The following SPTBN5 variants were observed in gnomAD, a reference collection of about 807,000 sequenced individuals.
The protein encoded by SPTBN5 is spectrin beta, non-erythrocytic 5.
SPTBN5 carries 513 observed loss-of-function variants against 477.6 expected under a neutral mutation model. The ratio of observed to expected loss-of-function variants is 1.07; its 90% confidence interval spans 1.00 to 1.16. SPTBN5 has a LOEUF of 1.16. Ranked by LOEUF, SPTBN5 falls within the 50% of genes most tolerant of loss-of-function variation. The probability of loss-of-function intolerance (pLI) is 0.00; values close to 1 mark genes in which losing one functional copy is unlikely to be tolerated. For missense variants in SPTBN5, 5,062 were observed against 4,731.8 expected, an observed-to-expected ratio of 1.07 and a Z score of -2.05; for synonymous variants, 2,169 against 2,011.7, an observed-to-expected ratio of 1.08 and a Z score of -2.09.
chr15:41,877,864 G>A (rs1005770289), intron 17 of SPTBN5, among the ~76,000 whole-genome samples: 1 of 152,220 alleles, frequency 6.6e-6, no homozygotes, highest in Non-Finnish European at 1.5e-5. Flanking sequence ...CACAGCCTGT[G>A]GACTGTCCCT....
chr15:41,878,232 C>T (rs1567219880), intron 17 of SPTBN5, 110 bp downstream of exon 17: 36 of 1,347,098 alleles, frequency 2.7e-5, no homozygotes, highest in Non-Finnish European at 3.1e-5. Context: ...GTCTGGGCCC[C>T]TCCCTGGGGA....
At chr15:41,881,276 A>G (rs1027771917) in intron 12 of SPTBN5, 42 bp from the exon 13 acceptor site, 23 of 1,537,196 alleles carry the variant, frequency 1.5e-5, no homozygotes, top group Middle Eastern at 4.8e-4. Context: ...GACCCCATCA[A>G]GCAGCAGGGG....
rs2065620660 is a variant in SPTBN5, at chr15:41,848,247, G to A, written c.*369C>T. On this transcript the variant is annotated 3_prime_UTR_variant, in exon 68 of 68. Coordinates refer to ENST00000320955, the MANE Select transcript of SPTBN5 (RefSeq NM_016642.4). Reference sequence around the variant, plus strand: ...GCTGGTACAGAGCTCGCTCATCAGTGTTCTTCCTCCGAAGAGCACATTCTC... The same window carrying A: ...GCTGGTACAGAGCTCGCTCATCAGTATTCTTCCTCCGAAGAGCACATTCTC... 1 of 495,402 alleles carries A rather than the reference G, an allele frequency of 2.0e-6. No homozygotes were observed. The highest frequency in any genetic ancestry group is 3.7e-6 in the Non-Finnish European group (1 of 272,766). The allele number at this position is 495,402 out of a possible 1,614,324, so 30.7% of individuals were successfully genotyped here. A position where few individuals can be genotyped will look rare whatever the true frequency, so the allele number is the denominator to read the frequency against.
At position 41,876,132 on chromosome 15, in the gene SPTBN5, G is replaced by C; in HGVS notation, c.4104C>G (p.His1368Gln). 6.2e-7 allele frequency: 1 copy of C among 1,602,082 alleles called. No homozygotes were observed. The highest frequency in any genetic ancestry group is 8.5e-7 in the Non-Finnish European group (1 of 1,178,802). The stretch of plus-strand genomic sequence containing the variant: ...CCCCCACCTGCTGCAGGGCCTCCAC[G>C]TGTCTGCGGGTGGCGAGTAGCTCGC... ...AESELLATRR[H>Q]VEALQQVGRE... is the part of the protein sequence containing the mutation. Residue 1368 changes from histidine (H) to glutamine (Q), a missense_variant, in exon 21 of 68, where the codon CAC (histidine) becomes CAG (glutamine). Transcript: ENST00000320955.
At position 41,878,594 on chromosome 15, in the gene SPTBN5, A is replaced by C. The variant is rs772703546; in HGVS notation, c.3218T>G (p.Leu1073Arg). ...EEPGYAESQPLQGQVETLQGL... is the reference protein window; with the variant it reads ...EEPGYAESQPRQGQVETLQGL... ...CTGCAGTGTCTCCACCTGTCCTTGC[A>C]GAGGCTGGCTCTCTGCGTAGCCTGG... is the stretch of plus-strand genomic sequence containing the variant. The change falls in exon 17 of 68, where the codon CTG (leucine) becomes CGG (arginine). Residue 1073 changes from leucine (L) to arginine (R), a missense_variant. By Grantham distance (102) the Leu-to-Arg change is moderately radical. Transcript: ENST00000320955. The C allele has an allele frequency of 8.7e-6, 14 of 1,612,522 alleles. No individual in the cohort carries two copies. The highest frequency in any genetic ancestry group is 1.2e-5 in the Non-Finnish European group (14 of 1,179,728).
Position 41,875,453 on chromosome 15 carries a change from T to A in SPTBN5, c.4287+5A>T. 1 of 1,610,766 alleles carries A rather than the reference T, an allele frequency of 6.2e-7. No individual in the cohort carries two copies. Among genetic ancestry groups the A allele is most frequent in the Non-Finnish European group, 8.5e-7 (1 of 1,179,214 alleles). ...TCTTGTGCCCTGTCCCTCTTCCCAG[T>A]GGACCTGCAGCTGCCTCAGGAGTTG... is the stretch of plus-strand genomic sequence containing the variant. On this transcript the variant is annotated splice_donor_5th_base_variant and intron_variant, in intron 22 of 67. Transcript: ENST00000320955.
intron 66 of SPTBN5, 137 bp from the exon 67 acceptor site, chr15:41,850,096 G>A: frequency 1.4e-6 from 1 of 727,772 alleles, no homozygotes; most frequent in South Asian, 1.6e-5. Flanking sequence ...CTTCCCACGT[G>A]GGGGTGTGGG....
At chr15:41,849,409 A>G (rs556771623) in intron 67 of SPTBN5, among the ~76,000 whole-genome samples, 1 of 152,316 alleles carries the variant, frequency 6.6e-6, no homozygotes, top group Admixed American at 6.5e-5. Flanking sequence ...AGGACCAGGT[A>G]GAGAACGGGT....
At chr15:41,863,633 C>T (rs1595462358) in intron 41 of SPTBN5, 71 bp downstream of exon 41, 4 of 1,252,726 alleles carry the variant, frequency 3.2e-6, no homozygotes, top group East Asian at 2.3e-5. Context: ...GCATGGGAGA[C>T]TCTAGGCAGT....
At position 41,893,411 on chromosome 15, in the gene SPTBN5, C is replaced by A; in HGVS notation, c.87G>T (p.Pro29=). 6.2e-7 allele frequency: 1 copy of A among 1,613,342 alleles called. No individual in the cohort carries two copies. The highest frequency in any genetic ancestry group is 8.5e-7 in the Non-Finnish European group (1 of 1,179,848). The change falls in exon 2 of 68, where the codon CCG becomes CCT. Residue 29 remains proline, a synonymous_variant. Transcript: ENST00000320955. ...SRRPSTELRV[P]PSPSLTMDSQ... is the part of the protein sequence containing the mutation. The stretch of plus-strand genomic sequence containing the variant: ...AGTCCATGGTGAGACTTGGACTGGG[C>A]GGGACCCGGAGTTCTGTGCTGGGCC...
Position 41,852,772 on chromosome 15 carries a change from G to GC in SPTBN5, c.10348-38_10348-37insG, listed in dbSNP as rs762793341. 11 of 1,582,874 alleles carry GC rather than the reference G, an allele frequency of 6.9e-6. No homozygotes were observed. In the African/African-American group the frequency reaches 1.0e-4, roughly 14 times the overall value. On this transcript the variant is annotated intron_variant, in intron 60 of 67. Transcript: ENST00000320955. The stretch of plus-strand genomic sequence containing the variant: ...CATGTTCAGGTGACGCCCAGCTTGG[G>GC]GGGGGGGGCCCAGAGCCTGGTAGCC...
Position 41,880,201 on chromosome 15 carries a change from G to T in SPTBN5, c.2770C>A (p.Pro924Thr). Residue 924 changes from proline (P) to threonine (T), a missense_variant, in exon 14 of 68, where the codon CCC becomes ACC. Physicochemically the swap from Pro to Thr is conservative, Grantham distance 38. Transcript: ENST00000320955. ...ATGACCTCCAGGGTGTCAGCCTGGG[G>T]CTGCACCCTTTGGAGCAGCACTGTC... ...KQTVLLQRVQ[P>T]QADTLEVMQL... 1 of 1,606,532 alleles carries T rather than the reference G, an allele frequency of 6.2e-7. No homozygotes were observed. Among genetic ancestry groups the T allele is most frequent in the Non-Finnish European group, 8.5e-7 (1 of 1,176,984 alleles).
At chr15:41,853,539 C>T (rs1419414085) in intron 58 of SPTBN5, 43 bp downstream of exon 58, 2 of 1,546,966 alleles carry the variant, frequency 1.3e-6, no homozygotes, top group Non-Finnish European at 1.8e-6. Context: ...TACCCCCACC[C>T]CACAGGGTAG....
chr15:41,888,166 C>T (rs1277028744), intron 4 of SPTBN5, 81 bp from the exon 5 acceptor site: 7 of 1,407,670 alleles, frequency 5.0e-6, no homozygotes, highest in Non-Finnish European at 2.9e-6. Context: ...GAGAGGCAGG[C>T]TGGCCACAGC....
intron 27 of SPTBN5, 107 bp downstream of exon 27, chr15:41,872,195 C>T: frequency 7.2e-7 from 1 of 1,384,030 alleles, no homozygotes; most frequent in Non-Finnish European, 9.7e-7. Context: ...TGCATCTCTA[C>T]AGCCTGGGGT....
At position 41,879,343 on chromosome 15, in the gene SPTBN5, G is replaced by A. The variant is rs778433798; in HGVS notation, c.3099C>T (p.Asp1033=). Residue 1033 remains aspartate, a synonymous_variant, in exon 16 of 68, where the codon GAC becomes GAT. Transcript: ENST00000320955. Reference sequence around the variant, plus strand: ...GGGCCAGCTGCAGGGCGTGGCAGGTGTCCTCTGAGCTCCCTGGCTGCAGGG... The same window carrying A: ...GGGCCAGCTGCAGGGCGTGGCAGGTATCCTCTGAGCTCCCTGGCTGCAGGG... The part of the protein sequence containing the change: ...LEALQPGSSE[D]TCHALQLAQK... 5.1e-5 allele frequency: 82 copies of A among 1,609,198 alleles called. No homozygotes were observed. The highest frequency in any genetic ancestry group is 6.8e-5 in the Non-Finnish European group (80 of 1,179,712).
Position 41,866,130 on chromosome 15 carries a change from TTGCC to T in SPTBN5, c.6726_6729del (p.Ala2243TrpfsTer33). 1 of 1,559,314 alleles carries T rather than the reference TTGCC, an allele frequency of 6.4e-7. No homozygotes were observed. Among genetic ancestry groups the T allele is most frequent in the Non-Finnish European group, 8.7e-7 (1 of 1,152,538 alleles). ...TCCAGCTCCTGGCCCCTGAGGGCCA[TTGCC>T]TGCCTCAGGTCCTCCCAGTGCTTCC... is the stretch of plus-strand genomic sequence containing the variant. On this transcript the variant is annotated frameshift_variant, in exon 38 of 68. Transcript: ENST00000320955. LOFTEE classifies it high-confidence loss of function.
chr15:41,875,857 C>T (rs372849471), intron 21 of SPTBN5, among the ~76,000 whole-genome samples: 5 of 152,236 alleles, frequency 3.3e-5, no homozygotes, highest in Non-Finnish European at 5.9e-5. Context: ...TGGGGAGAGC[C>T]GTGTTCTGGT....
Position 41,851,166 on chromosome 15 carries a change from A to G in SPTBN5, c.10744-16T>C. On this transcript the variant is annotated splice_polypyrimidine_tract_variant and intron_variant, in intron 64 of 67. Coordinates refer to ENST00000320955, the MANE Select transcript of SPTBN5 (RefSeq NM_016642.4). ...AAGCTACTTTCTGAGGAGAGATGAG[A>G]GGCAGGGGTCACTGCGGCCATCTCA... 6.2e-7 allele frequency: 1 copy of G among 1,610,592 alleles called. No individual in the cohort carries two copies. Among genetic ancestry groups the G allele is most frequent in the East Asian group, 2.2e-5 (1 of 44,782 alleles).
Sources: gnomAD v4.1 joint callset for allele counts (sites outside exome capture counted in the v4.1 genomes callset) on GRCh38, gnomAD v4.1.1 for gene constraint, MANE v1.5 for transcripts, NCBI Gene and HGNC (gene_info 2026-07-23, HGNC 2026-07-21) for gene names.